Variants in DLG2 observed in about 807,000 individuals in gnomAD.
DLG2 encodes the protein discs large MAGUK scaffold protein 2.
Under a neutral mutation model 132.5 loss-of-function variants are expected in DLG2, and 45 were observed. The observed-to-expected ratio is 0.34, with a 90% CI of 0.27 to 0.44. The LOEUF (loss-of-function observed/expected upper bound fraction) is 0.44, where lower values mean the gene tolerates loss of function less well. Among genes scored for constraint, DLG2 ranks in the 20% least tolerant of loss-of-function variants. DLG2 has a pLI of 1.00. For synonymous variants in DLG2, 424 were observed against 419.6 expected, an observed-to-expected ratio of 1.01 and a Z score of -0.13; for missense variants, 1,045 against 1,196.9, an observed-to-expected ratio of 0.87 and a Z score of 1.87.
intron 7 of DLG2, among the ~76,000 whole-genome samples, chr11:84,381,311 A>T (rs2098748497): frequency 1.0e-5 from 1 of 95,426 alleles, no homozygotes. Flanking sequence ...AAGAGGTGAA[A>T]AATTTCACAC....
intron 9 of DLG2, among the ~76,000 whole-genome samples, chr11:84,142,186 C>A (rs2154240117): frequency 6.6e-6 from 1 of 152,040 alleles, no homozygotes; most frequent in Non-Finnish European, 1.5e-5. Flanking sequence ...CCTGTGGTCC[C>A]AGCTACTTGG....
At chr11:84,361,293 T>C (rs1240420396) in intron 7 of DLG2, among the ~76,000 whole-genome samples, 2 of 151,912 alleles carry the variant, frequency 1.3e-5, no homozygotes, top group Non-Finnish European at 2.9e-5. Context: ...CATGATCAAA[T>C]TGCTGAAAAC....
At chr11:85,397,893 T>C (rs1001608221) in intron 3 of DLG2, among the ~76,000 whole-genome samples, 1 of 152,096 alleles carries the variant, frequency 6.6e-6, no homozygotes, top group African/African-American at 2.4e-5. Context: ...AACAAGGATA[T>C]CCAGGGCTTG....
chr11:84,009,532 G>C (rs907661229), intron 11 of DLG2, among the ~76,000 whole-genome samples: 5 of 151,972 alleles, frequency 3.3e-5, no homozygotes, highest in African/African-American at 4.8e-5. Flanking sequence ...AAGCTAAGCT[G>C]CCTATTTGTT....
intron 6 of DLG2, among the ~76,000 whole-genome samples, chr11:84,579,095 C>T (rs527911233): frequency 1.3e-5 from 2 of 152,064 alleles, no homozygotes; most frequent in African/African-American, 4.8e-5. Flanking sequence ...CCATGTGGAA[C>T]TATAAGTCCA....
chr11:84,058,462 C>T (rs2096538682), intron 11 of DLG2, among the ~76,000 whole-genome samples: 1 of 149,996 alleles, frequency 6.7e-6, no homozygotes, highest in South Asian at 2.1e-4. Flanking sequence ...TCAAGACCAG[C>T]CTGGGCAACA....
intron 7 of DLG2, among the ~76,000 whole-genome samples, chr11:84,285,198 T>A (rs2097897266): frequency 6.6e-6 from 1 of 152,200 alleles, no homozygotes; most frequent in African/African-American, 2.4e-5. Flanking sequence ...CTCCAAAAGC[T>A]GAGCTTTCAT....
chr11:85,222,439 G>A (rs2074709183), intron 4 of DLG2, among the ~76,000 whole-genome samples: 1 of 152,160 alleles, frequency 6.6e-6, no homozygotes, highest in Non-Finnish European at 1.5e-5. Context: ...AACTTAAACA[G>A]TCTAAAAAGA....
At chr11:83,585,339 C>A (rs538189009) in intron 19 of DLG2, among the ~76,000 whole-genome samples, 12 of 152,138 alleles carry the variant, frequency 7.9e-5, no homozygotes, top group Non-Finnish European at 1.6e-4. Flanking sequence ...ATGTACCATA[C>A]AATCACAACA....
At chr11:85,451,907 T>C (rs556989562) in intron 3 of DLG2, among the ~76,000 whole-genome samples, 244 of 152,334 alleles carry the variant, frequency 1.6e-3, no homozygotes, top group African/African-American at 5.6e-3. Flanking sequence ...ACTAGCTGGT[T>C]TTAATTCCTT....
At chr11:84,419,773 C>G (rs1462365470) in intron 7 of DLG2, among the ~76,000 whole-genome samples, 1 of 152,136 alleles carries the variant, frequency 6.6e-6, no homozygotes, top group Non-Finnish European at 1.5e-5. Context: ...GTGTCCTGAG[C>G]CTCCTGCTGA....
At chr11:84,266,437 T>C (rs2097636185) in intron 7 of DLG2, among the ~76,000 whole-genome samples, 1 of 152,220 alleles carries the variant, frequency 6.6e-6, no homozygotes, top group African/African-American at 2.4e-5. Context: ...AGTGTCATCT[T>C]TATTCCTATA....
intron 6 of DLG2, among the ~76,000 whole-genome samples, chr11:85,010,366 A>C (rs1273974276): frequency 6.6e-6 from 1 of 152,096 alleles, no homozygotes; most frequent in East Asian, 1.9e-4. Flanking sequence ...AGAATGTGTC[A>C]GCATCCTTAC....
intron 5 of DLG2, among the ~76,000 whole-genome samples, chr11:85,139,135 T>G (rs965000131): frequency 6.6e-6 from 1 of 152,122 alleles, no homozygotes; most frequent in Non-Finnish European, 1.5e-5. Flanking sequence ...ATCATCCCAG[T>G]TTATTTCCTC....
chr11:83,526,555 T>C (rs946930303), intron 21 of DLG2, among the ~76,000 whole-genome samples: 9 of 152,156 alleles, frequency 5.9e-5, no homozygotes, highest in African/African-American at 1.7e-4. Context: ...GTATAGGCAG[T>C]GATATAGGTA....
chr11:85,317,022 G>A (rs2080730954), intron 3 of DLG2, among the ~76,000 whole-genome samples: 2 of 151,944 alleles, frequency 1.3e-5, no homozygotes. Flanking sequence ...TGGCTTCCTT[G>A]TTCCCAGTTT....
At chr11:84,615,928 G>T (rs2154539644) in intron 6 of DLG2, among the ~76,000 whole-genome samples, 1 of 150,974 alleles carries the variant, frequency 6.6e-6, no homozygotes, top group Non-Finnish European at 1.5e-5. Context: ...TTCAATTCTG[G>T]GTATAAATGG....
chr11:83,620,666 C>T (rs2061477475), intron 19 of DLG2, among the ~76,000 whole-genome samples: 1 of 151,628 alleles, frequency 6.6e-6, no homozygotes, highest in South Asian at 2.1e-4. Flanking sequence ...GTCAGGAGAT[C>T]GAGACCATCC....
intron 3 of DLG2, among the ~76,000 whole-genome samples, chr11:85,407,040 T>A (rs2088818185): frequency 6.6e-6 from 1 of 152,032 alleles, no homozygotes; most frequent in African/African-American, 2.4e-5. Context: ...GCAAAGGCCC[T>A]GAGGCAAGAG....
Sources: gnomAD v4.1 joint callset for allele counts (sites outside exome capture counted in the v4.1 genomes callset) on GRCh38, gnomAD v4.1.1 for gene constraint, MANE v1.5 for transcripts, NCBI Gene and HGNC (gene_info 2026-07-23, HGNC 2026-07-21) for gene names.